KSR1: variants seen among roughly 807,000 people sequenced by gnomAD.
The protein encoded by KSR1 is kinase suppressor of ras 1.
KSR1 carries 35 observed loss-of-function variants against 92.9 expected under a neutral mutation model. The ratio of observed to expected loss-of-function variants is 0.38; its 90% CI spans 0.29 to 0.50. KSR1 has a LOEUF of 0.50. Among genes scored for constraint, KSR1 ranks in the 20% least tolerant of loss-of-function variants. The pLI, the probability that KSR1 is intolerant of heterozygous loss-of-function variation, is 0.94. For synonymous variants in KSR1, 467 were observed against 472.6 expected (o/e 0.99, Z 0.15); for missense variants, 972 against 1,158.5 (o/e 0.84, Z 2.34).
At chr17:27,578,821 T>G (rs747172840) in intron 3 of KSR1, 3 of 152,262 alleles carry the variant, frequency 2.0e-5, no homozygotes, top group African/African-American at 4.8e-5. Context: ...GATCACTAAT[T>G]TATGCACCTA....
rs1053084980 is a variant in KSR1 at position 27,586,785 on chromosome 17, A to T, written c.985+1124A>T. Among the ~76,000 whole-genome samples the T allele has an allele frequency of 2.0e-5, 3 of 152,208 alleles. No individual in the cohort carries two copies. The East Asian group carries it at 5.8e-4, about 29-fold the overall frequency. ...CCCCCAGAAGTTGGTGCAGATCATAAGGTGGCTTTTGGGGCTAATTGATTG... is the reference window on the plus strand; with the variant it reads ...CCCCCAGAAGTTGGTGCAGATCATATGGTGGCTTTTGGGGCTAATTGATTG... On this transcript the variant is annotated intron_variant, in intron 5 of 20. Coordinates refer to ENST00000644974, the MANE Select transcript of KSR1 (RefSeq NM_001394583.1).
Position 27,456,690 on chromosome 17 carries a change from A to C in KSR1, c.47A>C (p.Glu16Ala). ...LRAAAMGEKK[E>A]GGGGGDAAAA... is the part of the protein sequence containing the mutation. Reference sequence around the variant, plus strand: ...GCGGCGGCGATGGGAGAGAAGAAGGAGGGCGGTGGCGGGGGGGATGCGGCG... The same window carrying C: ...GCGGCGGCGATGGGAGAGAAGAAGGCGGGCGGTGGCGGGGGGGATGCGGCG... The change falls in exon 1 of 21, where the codon GAG becomes GCG. Residue 16 changes from glutamate (E) to alanine (A), a missense_variant. By Grantham distance (107) the Glu-to-Ala change is moderately radical (BLOSUM62 -1). This residue lies in a region of KSR1 where 36 missense variants were observed against 16.0 expected (regional missense o/e 2.25). Coordinates refer to ENST00000644974, the MANE Select transcript of KSR1 (RefSeq NM_001394583.1). 4 of 737,100 alleles carry C rather than the reference A, an allele frequency of 5.4e-6. No individual in the cohort carries two copies. Among genetic ancestry groups the C allele is most frequent in the Non-Finnish European group, 9.2e-6 (4 of 433,770 alleles). The allele number at this position is 737,100 out of a possible 1,614,324, so 45.7% of individuals were successfully genotyped here. A position where few individuals can be genotyped will look rare whatever the true frequency, so the allele number is the denominator to read the frequency against.
chr17:27,570,131 C>T (rs538593772), intron 2 of KSR1, among the ~76,000 whole-genome samples: 2 of 152,326 alleles, frequency 1.3e-5, no homozygotes, highest in South Asian at 4.1e-4. Flanking sequence ...AACCCCACTG[C>T]CAGAGCTCAC....
chr17:27,566,721 G>T, intron 2 of KSR1: 1 of 396,818 alleles, frequency 2.5e-6, no homozygotes, highest in Non-Finnish European at 4.4e-6. Context: ...CTTGTTTCAT[G>T]ACTTCATTCG....
chr17:27,607,887 G>A (rs1243987849), intron 14 of KSR1, 27 bp from the exon 15 acceptor site: 6 of 1,564,696 alleles, frequency 3.8e-6, no homozygotes, highest in Non-Finnish European at 4.3e-6. Flanking sequence ...CCCCAGACTT[G>A]TGCTTGACCC....
chr17:27,549,313 T>C (rs2071306047), intron 1 of KSR1, among the ~76,000 whole-genome samples: 1 of 152,220 alleles, frequency 6.6e-6, no homozygotes, highest in African/African-American at 2.4e-5. Context: ...CCTGGGTCCC[T>C]GGGTCACTTG....
intron 11 of KSR1, chr17:27,601,775 C>T: frequency 1.4e-6 from 1 of 740,330 alleles, no homozygotes; most frequent in South Asian, 1.8e-5. Context: ...CCGTATCCTC[C>T]CTTGCACAAT....
chr17:27,524,503 C>T (rs1433241708), intron 1 of KSR1, among the ~76,000 whole-genome samples: 1 of 152,182 alleles, frequency 6.6e-6, no homozygotes, highest in Non-Finnish European at 1.5e-5. Flanking sequence ...ATCTCCCCTC[C>T]CCATCCCCTT....
At chr17:27,553,721 CAT>C (rs2071487471) in intron 2 of KSR1, among the ~76,000 whole-genome samples, 2 of 152,230 alleles carry the variant, frequency 1.3e-5, no homozygotes, top group South Asian at 4.1e-4. Context: ...TCCCAAATCT[CAT>C]GTCAGTTCCT....
intron 2 of KSR1, among the ~76,000 whole-genome samples, chr17:27,553,365 A>G (rs1380822995): frequency 1.3e-5 from 2 of 152,202 alleles, no homozygotes; most frequent in Admixed American, 1.3e-4. Flanking sequence ...AAGGCTGGGA[A>G]TGGCTGACTA....
intron 1 of KSR1, among the ~76,000 whole-genome samples, 169 bp downstream of exon 1, chr17:27,457,043 C>T (rs2019206645): frequency 6.6e-6 from 1 of 152,162 alleles, no homozygotes; most frequent in South Asian, 2.1e-4. Context: ...CGGGACCAGC[C>T]CTCATCTTGG....
Position 27,611,409 on chromosome 17 carries a change from C to T in KSR1, c.2358-85C>T, listed in dbSNP as rs574310012. On this transcript the variant is annotated intron_variant, in intron 17 of 20. Coordinates refer to ENST00000644974, the MANE Select transcript of KSR1 (RefSeq NM_001394583.1). ...AAGGCTGGAGAAGGGTCCTGATCCTCTGGCTGGGCTATGGCTCAAGGGCCC... is the reference window on the plus strand; with the variant it reads ...AAGGCTGGAGAAGGGTCCTGATCCTTTGGCTGGGCTATGGCTCAAGGGCCC... 1.1e-5 allele frequency: 17 copies of T among 1,571,610 alleles called. No homozygotes were observed. The Admixed American group carries it at 1.4e-4, about 13-fold the overall frequency.
intron 1 of KSR1, among the ~76,000 whole-genome samples, chr17:27,524,439 T>A (rs919779912): frequency 6.6e-6 from 1 of 152,132 alleles, no homozygotes; most frequent in Admixed American, 6.5e-5. Flanking sequence ...AGAGAAAGTA[T>A]TTATTAAGGC....
At chr17:27,528,481 G>A (rs1321460377) in intron 1 of KSR1, among the ~76,000 whole-genome samples, 1 of 152,032 alleles carries the variant, frequency 6.6e-6, no homozygotes, top group Non-Finnish European at 1.5e-5. Context: ...TCCAGTATGT[G>A]AGCCCAGCTC....
At chr17:27,487,880 A>G (rs1216501254) in intron 1 of KSR1, among the ~76,000 whole-genome samples, 1 of 152,172 alleles carries the variant, frequency 6.6e-6, no homozygotes, top group Non-Finnish European at 1.5e-5. Flanking sequence ...TTGAACTAAT[A>G]GTGTGAGAAC....
chr17:27,575,146 G>A (rs1037786560), intron 2 of KSR1, among the ~76,000 whole-genome samples: 12 of 152,218 alleles, frequency 7.9e-5, no homozygotes, highest in African/African-American at 2.7e-4. Context: ...ATAAAATGAA[G>A]GCAAGTTTAT....
At chr17:27,517,618 T>C (rs1350157525) in intron 1 of KSR1, among the ~76,000 whole-genome samples, 1 of 152,242 alleles carries the variant, frequency 6.6e-6, no homozygotes, top group Non-Finnish European at 1.5e-5. Context: ...TTCATTTTCA[T>C]TGGACGATAA....
At chr17:27,619,361 A>G (rs1235575622) in intron 19 of KSR1, among the ~76,000 whole-genome samples, 1 of 150,752 alleles carries the variant, frequency 6.6e-6, no homozygotes, top group East Asian at 1.9e-4. Context: ...GTGTGTGGCC[A>G]GATTTGGCTT....
intron 2 of KSR1, among the ~76,000 whole-genome samples, chr17:27,565,064 T>C (rs2072008501): frequency 6.6e-6 from 1 of 152,242 alleles, no homozygotes; most frequent in Admixed American, 6.5e-5. Flanking sequence ...AGGTGTTTTC[T>C]TAATATCCAG....
Sources: gnomAD v4.1 joint callset for allele counts (sites outside exome capture counted in the v4.1 genomes callset) on GRCh38, gnomAD v4.1.1 for gene constraint, gnomAD v4.1.1 regional missense constraint, MANE v1.5 for transcripts, NCBI Gene and HGNC (gene_info 2026-07-23, HGNC 2026-07-21) for gene names.